Variants in MEGF11 observed in about 807,000 individuals in gnomAD.
The protein encoded by MEGF11 is multiple EGF like domains 11, also known as multiple epidermal growth factor-like domains protein 11.
Under a neutral mutation model 146.6 loss-of-function variants are expected in MEGF11, and 126 were observed. The observed-to-expected ratio is 0.86, with a 90% CI of 0.74 to 1.00. The LOEUF is 1.00. Ranked by LOEUF, MEGF11 falls within the 50% of genes least tolerant of loss-of-function variation. The pLI is 0.00. For synonymous variants in MEGF11, 532 were observed against 583.4 expected (o/e 0.91, Z 1.27); for missense variants, 1,509 against 1,521.2 (o/e 0.99, Z 0.13).
At chr15:66,160,327 C>A (rs935906735) in intron 1 of MEGF11, among the ~76,000 whole-genome samples, 26 of 150,822 alleles carry the variant, frequency 1.7e-4, no homozygotes, top group Middle Eastern at 3.4e-3. Flanking sequence ...GGTGCAGCAG[C>A]CACCTTGTGA....
chr15:66,195,467 C>A (rs949280489), intron 1 of MEGF11, among the ~76,000 whole-genome samples: 1 of 152,168 alleles, frequency 6.6e-6, no homozygotes, highest in African/African-American at 2.4e-5. Flanking sequence ...CACAAGCAAA[C>A]CTAAGACAAA....
intron 1 of MEGF11, among the ~76,000 whole-genome samples, chr15:66,177,202 A>G (rs1221034218): frequency 6.6e-6 from 1 of 152,162 alleles, no homozygotes; most frequent in East Asian, 1.9e-4. Flanking sequence ...CCCCACAAGG[A>G]GTTAAAAGCC....
intron 5 of MEGF11, among the ~76,000 whole-genome samples, chr15:66,071,799 C>T (rs746258403): frequency 6.6e-5 from 10 of 152,232 alleles, no homozygotes; most frequent in Non-Finnish European, 1.0e-4. Flanking sequence ...CTCCGCATTC[C>T]TCCCTGCCCA....
intron 5 of MEGF11, among the ~76,000 whole-genome samples, chr15:66,094,056 G>A (rs893595673): frequency 1.2e-4 from 18 of 152,198 alleles, no homozygotes; most frequent in South Asian, 4.2e-4. Context: ...GCTAGACGAC[G>A]GCGACCTCCT....
chr15:66,033,712 G>A lies in MEGF11; in HGVS notation c.395-51224C>T, dbSNP rs115802748. On this transcript the variant is annotated intron_variant, in intron 5 of 25. Transcript: ENST00000395614. ...CCAGTGTGTCCAGACTGCAAGACAC[G>A]GAGTCAAAGGAAATTATTCTCCAGC... Among the ~76,000 whole-genome samples the A allele has an allele frequency of 8.5e-3, 1,298 of 152,366 alleles. 19 individuals carry two copies. The highest frequency in any genetic ancestry group is 0.028 in the African/African-American group (1,157 of 41,592).
chr15:65,968,596 C>T (rs920506295), intron 8 of MEGF11, among the ~76,000 whole-genome samples: 3 of 151,152 alleles, frequency 2.0e-5, no homozygotes, highest in Non-Finnish European at 4.4e-5. Flanking sequence ...ACAATTTAAA[C>T]AACTTATTTA....
At chr15:66,251,094 T>C (rs1359962561) in intron 1 of MEGF11, among the ~76,000 whole-genome samples, 1 of 152,176 alleles carries the variant, frequency 6.6e-6, no homozygotes. Context: ...AGAAGACCCC[T>C]GGGGCCAGGT....
At chr15:65,978,493 C>T (rs2081524683) in intron 7 of MEGF11, among the ~76,000 whole-genome samples, 1 of 152,230 alleles carries the variant, frequency 6.6e-6, no homozygotes, top group Non-Finnish European at 1.5e-5. Flanking sequence ...AAACCTCTTG[C>T]TGTGCTGGGG....
intron 4 of MEGF11, among the ~76,000 whole-genome samples, chr15:66,106,006 G>A (rs2087056769): frequency 6.6e-6 from 1 of 152,194 alleles, no homozygotes; most frequent in Non-Finnish European, 1.5e-5. Flanking sequence ...AGGGGAGGGA[G>A]GAGGCCTCCC....
chr15:66,182,473 G>A lies in MEGF11; in HGVS notation c.-8-54062C>T, dbSNP rs552337854. ...AAATGATCACACAGGAGTAAGAACT[G>A]TCACTTCCTTCTGAGGAGTTTGCAG... On this transcript the variant is annotated intron_variant, in intron 1 of 25. Transcript: ENST00000395614. Among the ~76,000 whole-genome samples, 95 of 152,320 alleles carry A rather than the reference G, an allele frequency of 6.2e-4. 1 individual carries two copies. The highest frequency in any genetic ancestry group is 2.2e-3 in the African/African-American group (92 of 41,580).
chr15:65,960,744 C>A (rs1356914711), intron 9 of MEGF11, among the ~76,000 whole-genome samples: 1 of 152,310 alleles, frequency 6.6e-6, no homozygotes, highest in East Asian at 1.9e-4. Context: ...GGAGCTCATC[C>A]ATTACACGCT....
intron 1 of MEGF11, among the ~76,000 whole-genome samples, chr15:66,129,148 A>G (rs1243345188): frequency 6.6e-6 from 1 of 152,088 alleles, no homozygotes; most frequent in African/African-American, 2.4e-5. Flanking sequence ...TGGGATGCCA[A>G]CTCCCTTGCT....
At chr15:66,124,493 A>C (rs2088233784) in intron 2 of MEGF11, among the ~76,000 whole-genome samples, 1 of 152,254 alleles carries the variant, frequency 6.6e-6, no homozygotes, top group Non-Finnish European at 1.5e-5. Context: ...CAGTATCAAT[A>C]GGTGCTAACA....
At chr15:66,235,505 GA>G (rs34276626) in intron 1 of MEGF11, among the ~76,000 whole-genome samples, 171 of 119,514 alleles carry the variant, frequency 1.4e-3, no homozygotes, top group African/African-American at 6.2e-3. Context: ...CTGTCTCAAA[GA>G]AAAAAAAAAG....
chr15:66,107,207 T>C (rs947905410), intron 4 of MEGF11, among the ~76,000 whole-genome samples: 19 of 152,154 alleles, frequency 1.2e-4, no homozygotes, highest in African/African-American at 1.9e-4. Context: ...CCCCGCCTAC[T>C]TGATGGACAG....
chr15:66,062,030 G>A (rs997572506), intron 5 of MEGF11, among the ~76,000 whole-genome samples: 1 of 152,226 alleles, frequency 6.6e-6, no homozygotes, highest in African/African-American at 2.4e-5. Flanking sequence ...AAAAGTGCTG[G>A]GATTACAGGT....
intron 1 of MEGF11, among the ~76,000 whole-genome samples, chr15:66,159,094 T>C (rs761920813): frequency 1.3e-5 from 2 of 152,204 alleles, no homozygotes; most frequent in Admixed American, 6.5e-5. Flanking sequence ...TGATTCTAAG[T>C]CTGTCAGGTT....
chr15:66,220,530 T>A (rs867732531), intron 1 of MEGF11, among the ~76,000 whole-genome samples: 10,036 of 133,656 alleles, frequency 0.075, 590 homozygotes, highest in African/African-American at 0.16. Flanking sequence ...CGTTGGGTTT[T>A]TTTTTTTTTT....
chr15:65,930,995 G>T (rs2079557700), intron 10 of MEGF11, 52 bp from the exon 11 acceptor site: 10 of 1,474,978 alleles, frequency 6.8e-6, no homozygotes, highest in Non-Finnish European at 9.1e-6. Context: ...ATGTTGGATG[G>T]CTGTGGTAGG....
Sources: gnomAD v4.1 joint callset for allele counts (sites outside exome capture counted in the v4.1 genomes callset) on GRCh38, gnomAD v4.1.1 for gene constraint, MANE v1.5 for transcripts, NCBI Gene and HGNC (gene_info 2026-07-23, HGNC 2026-07-21) for gene names.